CNKSR2: variants seen among roughly 807,000 people sequenced by gnomAD.
CNKSR2 encodes CNK homolog protein 2.
In CNKSR2, 14 loss-of-function variants were observed where a neutral mutation model predicts 84.4. The observed-to-expected ratio is 0.17, with a 90% confidence interval of 0.11 to 0.26. The LOEUF (loss-of-function observed/expected upper bound fraction) is 0.26. Ranked by LOEUF, CNKSR2 falls within the 10% of genes least tolerant of loss-of-function variation. The pLI is 1.00. For synonymous variants in CNKSR2, 275 were observed against 277.9 expected, an observed-to-expected ratio of 0.99 and a Z score of 0.10; for missense variants, 485 against 771.2, an observed-to-expected ratio of 0.63 and a Z score of 4.40.
chrX:21,650,877 C>A (rs1321872571), intron 21 of CNKSR2, among the ~76,000 whole-genome samples: 2 of 111,845 alleles, frequency 1.8e-5, no homozygotes, highest in African/African-American at 3.3e-5. Context: ...TTAGAGAGTG[C>A]TGTTAATAGT....
intron 20 of CNKSR2, among the ~76,000 whole-genome samples, chrX:21,626,243 G>GT (rs1396092881): frequency 0.01 from 656 of 63,929 alleles, 3 homozygotes; most frequent in South Asian, 0.017. Context: ...ATTCTAGGTG[G>GT]TAAAAAAAAA....
rs1337029655 is a variant in CNKSR2 at position 21,374,809 on chromosome X, A to G, written c.-89A>G. On this transcript the variant is annotated 5_prime_UTR_variant, in exon 1 of 22. Coordinates refer to ENST00000379510, the MANE Select transcript of CNKSR2 (RefSeq NM_014927.5). ...CCGCCCGCCCAGGGAGGCTGCGGCC[A>G]GCAAGGGACCCCACCTGAGAGCAGC... is the stretch of plus-strand genomic sequence containing the variant. 3 of 831,886 alleles carry G rather than the reference A, an allele frequency of 3.6e-6. No individual in the cohort carries two copies. The African/African-American group carries it at 6.0e-5, about 17-fold the overall frequency. 68.6% of individuals were successfully genotyped at this position (831,886 alleles called of 1,213,427 possible).
intron 5 of CNKSR2, among the ~76,000 whole-genome samples, chrX:21,473,745 G>GTTTTTTTTTTTTTGTTTTTTTT (rs2091226394): frequency 1.5e-5 from 1 of 67,231 alleles, no homozygotes; most frequent in African/African-American, 1.0e-4. Flanking sequence ...TGTTGGTTTG[G>GTTTTTTTTTTTTTGTTTTTTTT]TTTTTTTTTT....
chrX:21,590,540 T>C, intron 13 of CNKSR2, 32 bp from the exon 14 acceptor site: 1 of 1,179,945 alleles, frequency 8.5e-7, no homozygotes, highest in African/African-American at 1.7e-5. Context: ...ACCCTGAGTA[T>C]CAGATAACAT....
chrX:21,555,771 G>A (rs1273381075), intron 11 of CNKSR2, among the ~76,000 whole-genome samples: 2 of 111,636 alleles, frequency 1.8e-5, no homozygotes, highest in African/African-American at 6.5e-5. Context: ...GACTTATGGA[G>A]AAATTTCTTT....
intron 4 of CNKSR2, among the ~76,000 whole-genome samples, chrX:21,469,585 T>G: frequency 9.0e-6 from 1 of 111,249 alleles, no homozygotes; most frequent in Admixed American, 9.6e-5. Context: ...TAATTAATTT[T>G]ATTTTTTGAA....
At chrX:21,559,703 A>G (rs920361423) in intron 11 of CNKSR2, among the ~76,000 whole-genome samples, 12 of 111,351 alleles carry the variant, frequency 1.1e-4, no homozygotes, top group African/African-American at 3.3e-4. Flanking sequence ...TTCCTTGACT[A>G]CCTATCCTGC....
chrX:21,491,752 A>T (rs1324727526), intron 6 of CNKSR2: 2 of 112,061 alleles, frequency 1.8e-5, no homozygotes, highest in Admixed American at 1.9e-4. Context: ...CTGTTAAGTA[A>T]TTATAATCTA....
chrX:21,568,403 C>A (rs574619605), intron 13 of CNKSR2, among the ~76,000 whole-genome samples: 2 of 112,145 alleles, frequency 1.8e-5, no homozygotes, highest in Middle Eastern at 9.4e-3. Flanking sequence ...CTTTCATAAA[C>A]TGAATACTGA....
At chrX:21,401,642 C>A (rs1171874925) in intron 1 of CNKSR2, among the ~76,000 whole-genome samples, 1 of 111,847 alleles carries the variant, frequency 8.9e-6, no homozygotes, top group African/African-American at 3.2e-5. Context: ...ATACAGCAAT[C>A]CCTATCTTTT....
intron 12 of CNKSR2, 146 bp from the exon 13 acceptor site, chrX:21,563,092 G>A (rs1019920030): frequency 6.8e-6 from 3 of 441,441 alleles, no homozygotes; most frequent in Non-Finnish European, 1.2e-5. Context: ...TTAGATTGGG[G>A]CAAAAGTAAT....
chrX:21,594,775 T>G (rs1176432197), intron 15 of CNKSR2, 199 bp from the exon 16 acceptor site: 4 of 307,823 alleles, frequency 1.3e-5, no homozygotes, highest in Admixed American at 5.5e-5. Flanking sequence ...CTTTAATTTG[T>G]AGTATTCTAA....
intron 3 of CNKSR2, among the ~76,000 whole-genome samples, chrX:21,436,469 T>C (rs979927751): frequency 2.7e-5 from 3 of 111,807 alleles, no homozygotes; most frequent in Non-Finnish European, 5.7e-5. Context: ...TCGTATTATC[T>C]ATATGATGAT....
intron 10 of CNKSR2, among the ~76,000 whole-genome samples, chrX:21,528,696 T>G (rs1490168449): frequency 1.8e-5 from 2 of 111,425 alleles, no homozygotes; most frequent in African/African-American, 6.5e-5. Flanking sequence ...GCTTGAAAAC[T>G]CCATACTTTT....
At chrX:21,540,007 G>A (rs993048890) in intron 11 of CNKSR2, among the ~76,000 whole-genome samples, 1 of 111,877 alleles carries the variant, frequency 8.9e-6, no homozygotes, top group Admixed American at 9.5e-5. Context: ...TATTTGTTAA[G>A]TCATTCAACT....
intron 1 of CNKSR2, among the ~76,000 whole-genome samples, chrX:21,379,831 T>C (rs1343359195): frequency 1.8e-5 from 2 of 111,590 alleles, no homozygotes; most frequent in East Asian, 5.6e-4. Context: ...TGAGCACCAT[T>C]GGAAAGAGAA....
chrX:21,378,048 A>G (rs1350792193), intron 1 of CNKSR2, among the ~76,000 whole-genome samples: 1 of 111,642 alleles, frequency 9.0e-6, no homozygotes, highest in East Asian at 2.8e-4. Context: ...TGTAAAATCA[A>G]ATACTCAACT....
At chrX:21,406,917 T>G (rs2090271779) in intron 1 of CNKSR2, among the ~76,000 whole-genome samples, 1 of 112,304 alleles carries the variant, frequency 8.9e-6, no homozygotes, top group African/African-American at 3.2e-5. Flanking sequence ...TCCTGTTTTT[T>G]AAAAAACGAA....
chrX:21,425,554 T>C (rs2090554470), intron 1 of CNKSR2: 1 of 111,844 alleles, frequency 8.9e-6, no homozygotes, highest in African/African-American at 3.2e-5. Flanking sequence ...TATTCTCTTA[T>C]AATTTCTGCT....
Sources: allele counts gnomAD v4.1 joint callset (sites outside exome capture counted in the v4.1 genomes callset), GRCh38; gene constraint gnomAD v4.1.1; transcripts MANE v1.5; gene names NCBI Gene and HGNC (gene_info 2026-07-23, HGNC 2026-07-21).